DDX10: variants seen among roughly 807,000 people sequenced by gnomAD.
The protein encoded by DDX10 is DEAD-box helicase 10, also known as probable ATP-dependent RNA helicase DDX10.
Under a neutral mutation model 104.3 loss-of-function variants are expected in DDX10, and 74 were observed. The ratio of observed to expected loss-of-function variants is 0.71; its 90% CI spans 0.59 to 0.86. The LOEUF (loss-of-function observed/expected upper bound fraction) is 0.86, where lower values mean the gene tolerates loss of function less well. DDX10 is among the 40% of genes least tolerant of loss of function. DDX10 has a pLI of 0.00. For synonymous variants in DDX10, 351 were observed against 353.4 expected (o/e 0.99, Z 0.08); for missense variants, 952 against 1,040.0 (o/e 0.92, Z 1.16).
intron 13 of DDX10, among the ~76,000 whole-genome samples, chr11:108,818,651 T>C (rs901798335): frequency 1.3e-5 from 2 of 152,222 alleles, no homozygotes; most frequent in African/African-American, 2.4e-5. Flanking sequence ...GTCAACTGAA[T>C]CTTTTAAATT....
intron 16 of DDX10, chr11:108,860,673 G>A (rs1862929225): frequency 6.6e-6 from 1 of 152,148 alleles, no homozygotes; most frequent in African/African-American, 2.4e-5. Flanking sequence ...ACCCTCCCAA[G>A]TAGCTGGGAC....
chr11:108,688,068 T>C lies in DDX10; in HGVS notation c.849-868T>C, dbSNP rs558525745. Among the ~76,000 whole-genome samples, 5 of 152,316 alleles carry C rather than the reference T, an allele frequency of 3.3e-5. No individual in the cohort carries two copies. The South Asian group carries it at 1.0e-3, about 32-fold the overall frequency. On this transcript the variant is annotated intron_variant, in intron 6 of 17. Coordinates refer to ENST00000322536, the MANE Select transcript of DDX10 (RefSeq NM_004398.4). The stretch of plus-strand genomic sequence containing the variant: ...AGAATCTTCATTCCTTTTTTACAGT[T>C]GCATAATAATTAATGTATGTGGCTG...
chr11:108,778,659 A>G (rs190052903), intron 13 of DDX10, among the ~76,000 whole-genome samples: 1 of 152,386 alleles, frequency 6.6e-6, no homozygotes, highest in East Asian at 1.9e-4. Flanking sequence ...CTAAAACACC[A>G]AAAGCAATGG....
intron 13 of DDX10, among the ~76,000 whole-genome samples, chr11:108,808,906 C>T (rs552457789): frequency 5.3e-5 from 8 of 152,018 alleles, no homozygotes; most frequent in African/African-American, 1.2e-4. Context: ...AGGGCATGTA[C>T]GTAGTTTTTA....
rs1565318505 is a variant in DDX10 at position 108,918,021 on chromosome 11, A to G, written c.2450+3A>G. ...GAAGATATGGAAAATAAAATAAGGT[A>G]TGTTTTTACTATGGGTATGAAATAC... is the stretch of plus-strand genomic sequence containing the variant. On this transcript the variant is annotated splice_donor_region_variant and intron_variant, in intron 17 of 17. Coordinates refer to ENST00000322536, the MANE Select transcript of DDX10 (RefSeq NM_004398.4). 3.7e-6 allele frequency: 6 copies of G among 1,612,400 alleles called. No individual in the cohort carries two copies. The highest frequency in any genetic ancestry group is 4.2e-6 in the Non-Finnish European group (5 of 1,178,712).
intron 9 of DDX10, among the ~76,000 whole-genome samples, chr11:108,701,675 C>CTCTTT (rs2094268198): frequency 1.3e-5 from 1 of 77,392 alleles, no homozygotes; most frequent in East Asian, 4.4e-4. Context: ...TTCTTCTTCT[C>CTCTTT]TTTTTTTTTT....
chr11:108,825,611 C>T (rs1272066437), intron 13 of DDX10, among the ~76,000 whole-genome samples: 9 of 152,164 alleles, frequency 5.9e-5, no homozygotes, highest in Admixed American at 5.9e-4. Flanking sequence ...ACATAATCAT[C>T]CATTCTCATT....
At chr11:108,920,500 G>A (rs1863809249) in intron 17 of DDX10, 1 of 152,164 alleles carries the variant, frequency 6.6e-6, no homozygotes, top group Non-Finnish European at 1.5e-5. Flanking sequence ...GTTTTGGCCT[G>A]TGAACACAGA....
At chr11:108,930,764 T>G (rs1325000101) in intron 17 of DDX10, among the ~76,000 whole-genome samples, 5 of 152,212 alleles carry the variant, frequency 3.3e-5, no homozygotes, top group Non-Finnish European at 7.4e-5. Context: ...ATAATATGCT[T>G]TGTCTTTTCA....
chr11:108,913,474 A>G (rs1034283324), intron 16 of DDX10, among the ~76,000 whole-genome samples: 8 of 152,170 alleles, frequency 5.3e-5, no homozygotes, highest in Admixed American at 1.3e-4. Context: ...TTTGTCTCAC[A>G]TGAGCAGAGG....
intron 13 of DDX10, among the ~76,000 whole-genome samples, chr11:108,780,451 G>A (rs2094376653): frequency 1.3e-5 from 2 of 152,176 alleles, no homozygotes; most frequent in South Asian, 4.2e-4. Context: ...CTTCCCTATA[G>A]GTCTAGTCTG....
At chr11:108,766,871 T>C (rs2094356995) in intron 13 of DDX10, among the ~76,000 whole-genome samples, 1 of 152,172 alleles carries the variant, frequency 6.6e-6, no homozygotes, top group Non-Finnish European at 1.5e-5. Flanking sequence ...GCTAGACTGG[T>C]GTGCAGCCAT....
intron 16 of DDX10, among the ~76,000 whole-genome samples, chr11:108,884,970 C>G (rs866310659): frequency 6.6e-6 from 1 of 152,122 alleles, no homozygotes; most frequent in Admixed American, 6.5e-5. Flanking sequence ...GTCTTTCCAT[C>G]ATGATTTTGT....
chr11:108,764,218 A>G (rs1236770015), intron 13 of DDX10, among the ~76,000 whole-genome samples: 1 of 152,248 alleles, frequency 6.6e-6, no homozygotes, highest in Non-Finnish European at 1.5e-5. Flanking sequence ...AAAGGAATGT[A>G]ACATCTTCCA....
At chr11:108,835,107 C>T (rs188360398) in intron 13 of DDX10, among the ~76,000 whole-genome samples, 39 of 151,984 alleles carry the variant, frequency 2.6e-4, no homozygotes, top group African/African-American at 8.4e-4. Flanking sequence ...CTTATTAATC[C>T]CTTGTGTTCA....
intron 13 of DDX10, among the ~76,000 whole-genome samples, chr11:108,760,903 C>A (rs2094350132): frequency 6.6e-6 from 1 of 151,858 alleles, no homozygotes; most frequent in Admixed American, 6.6e-5. Flanking sequence ...TCACTTAAAT[C>A]TTCACTGAAG....
At chr11:108,682,160 A>AG (rs2134443273) in intron 6 of DDX10, among the ~76,000 whole-genome samples, 1 of 139,440 alleles carries the variant, frequency 7.2e-6, no homozygotes, top group East Asian at 2.1e-4. Flanking sequence ...GCTGGAGTGC[A>AG]GTGGCATGAT....
chr11:108,836,347 T>A (rs1202623742), intron 13 of DDX10, among the ~76,000 whole-genome samples: 2 of 152,252 alleles, frequency 1.3e-5, no homozygotes, highest in Non-Finnish European at 2.9e-5. Flanking sequence ...AAAACAACTT[T>A]CTTGTAGTTA....
chr11:108,702,545 A>C (rs2094269954), intron 9 of DDX10, among the ~76,000 whole-genome samples: 1 of 152,156 alleles, frequency 6.6e-6, no homozygotes, highest in Non-Finnish European at 1.5e-5. Context: ...GGAGAATCTG[A>C]ATTTGAGTGG....
Sources: allele counts gnomAD v4.1 joint callset (sites outside exome capture counted in the v4.1 genomes callset), GRCh38; gene constraint gnomAD v4.1.1; transcripts MANE v1.5; gene names NCBI Gene and HGNC (gene_info 2026-07-23, HGNC 2026-07-21).